The following MAPRE2 variants were observed in gnomAD, a reference collection of about 807,000 sequenced individuals.
The protein encoded by MAPRE2 is microtubule-associated protein RP/EB family member 2.
MAPRE2 carries 13 observed loss-of-function variants against 43.2 expected under a neutral mutation model. That is an observed-to-expected ratio of 0.30 (90% CI 0.20 to 0.48). MAPRE2 has a LOEUF of 0.48. Ranked by LOEUF, MAPRE2 falls within the 20% of genes least tolerant of loss-of-function variation. The pLI is 0.99. For synonymous variants in MAPRE2, 135 were observed against 148.8 expected (o/e 0.91, Z 0.68); for missense variants, 161 against 400.2 (o/e 0.40, Z 5.10).
chr18:35,005,547 G>C, exon 2 of MAPRE2: 1 of 1,541,576 alleles, frequency 6.5e-7, no homozygotes, highest in Non-Finnish European at 8.8e-7. Context: ...AAGCCTGGAT[G>C]CTCAAGGTAA....
intron 4 of MAPRE2, among the ~76,000 whole-genome samples, chr18:35,114,314 A>G (rs1156912411): frequency 6.6e-6 from 1 of 152,204 alleles, no homozygotes; most frequent in African/African-American, 2.4e-5. Flanking sequence ...TAGGCTTGAG[A>G]CAGCAGAACA....
chr18:35,062,664 T>C (rs573800877), intron 1 of MAPRE2, among the ~76,000 whole-genome samples: 1 of 152,338 alleles, frequency 6.6e-6, no homozygotes, highest in South Asian at 2.1e-4. Context: ...TTCTCCCCTG[T>C]TGGCATGTGT....
intron 2 of MAPRE2, among the ~76,000 whole-genome samples, chr18:35,014,879 A>G (rs2097037178): frequency 6.6e-6 from 1 of 152,134 alleles, no homozygotes. Flanking sequence ...TTGTAAATCC[A>G]TGGCATTGCC....
At chr18:35,135,326 C>A (rs148436252) in intron 6 of MAPRE2, among the ~76,000 whole-genome samples, 3 of 152,284 alleles carry the variant, frequency 2.0e-5, no homozygotes, top group African/African-American at 7.2e-5. Context: ...GGGTGCTTTC[C>A]ATATCCTGTG....
At chr18:35,085,209 A>G (rs1313597646) in intron 2 of MAPRE2, among the ~76,000 whole-genome samples, 1 of 152,164 alleles carries the variant, frequency 6.6e-6, no homozygotes, top group Non-Finnish European at 1.5e-5. Flanking sequence ...GAAATATGTA[A>G]CCTTGTATTT....
At chr18:35,011,687 C>T (rs1006377609) in intron 2 of MAPRE2, among the ~76,000 whole-genome samples, 1 of 152,016 alleles carries the variant, frequency 6.6e-6, no homozygotes, top group East Asian at 1.9e-4. Context: ...ATAGTGGTGA[C>T]AGCTGGGGTA....
rs1603405442 is a variant in MAPRE2 at position 35,141,884 on chromosome 18, G to A, written c.*1515G>A. On this transcript the variant is annotated 3_prime_UTR_variant, in exon 7 of 7. Transcript: ENST00000300249. ...AAGCTTTGAAATTTCTTTATTAATC[G>A]ATGAAATATGAATTCTAAATTCTAG... The A allele has an allele frequency of 6.6e-6, 1 of 152,136 alleles. No homozygotes were observed. Among genetic ancestry groups the A allele is most frequent in the Non-Finnish European group, 1.5e-5 (1 of 68,034 alleles). 9.4% of individuals were successfully genotyped at this position (152,136 alleles called of 1,614,324 possible). A position where few individuals can be genotyped will look rare whatever the true frequency, so the allele number is the denominator to read the frequency against.
intron 1 of MAPRE2, among the ~76,000 whole-genome samples, chr18:35,045,845 T>A (rs1248446622): frequency 6.6e-6 from 1 of 152,248 alleles, no homozygotes; most frequent in Admixed American, 6.5e-5. Context: ...GTCCTTACTA[T>A]TTTTCTTAGT....
At chr18:35,106,413 A>G (rs1021199906) in intron 4 of MAPRE2, among the ~76,000 whole-genome samples, 3 of 152,140 alleles carry the variant, frequency 2.0e-5, no homozygotes, top group Non-Finnish European at 2.9e-5. Flanking sequence ...AACATTTTGT[A>G]TGACAGAGGG....
intron 1 of MAPRE2, among the ~76,000 whole-genome samples, chr18:35,053,003 C>CCG (rs1906025467): frequency 2.1e-5 from 2 of 94,980 alleles, no homozygotes; most frequent in Non-Finnish European, 5.0e-5. Flanking sequence ...AATATAAAGT[C>CCG]CCCCCCACAC....
At chr18:34,998,722 G>C (rs1253266015) in intron 1 of MAPRE2, among the ~76,000 whole-genome samples, 3 of 147,118 alleles carry the variant, frequency 2.0e-5, no homozygotes, top group Non-Finnish European at 4.5e-5. Context: ...CTTGGCCTCT[G>C]AAAGTGCTGG....
chr18:35,021,499 G>A (rs116987376), intron 2 of MAPRE2, among the ~76,000 whole-genome samples: 4,872 of 152,188 alleles, frequency 0.032, 129 homozygotes, highest in Non-Finnish European at 0.042. Context: ...AAGTAATTCA[G>A]AGAATAGAAG....
chr18:35,017,091 G>T (rs2097038778), intron 2 of MAPRE2, among the ~76,000 whole-genome samples: 2 of 151,912 alleles, frequency 1.3e-5, no homozygotes, highest in Admixed American at 1.3e-4. Flanking sequence ...TGTCAATTTT[G>T]TTGAAGATCA....
At chr18:35,008,962 G>A (rs2097033095) in intron 2 of MAPRE2, among the ~76,000 whole-genome samples, 1 of 144,892 alleles carries the variant, frequency 6.9e-6, no homozygotes, top group Admixed American at 7.2e-5. Flanking sequence ...GTGTGTGTGT[G>A]TGCATGCACG....
At chr18:35,069,876 A>T (rs1427604286) in intron 1 of MAPRE2, among the ~76,000 whole-genome samples, 2 of 152,172 alleles carry the variant, frequency 1.3e-5, no homozygotes, top group Non-Finnish European at 1.5e-5. Context: ...TACTGCTACA[A>T]ACCTGGTAAC....
At chr18:35,086,963 C>T (rs1321389845) in intron 2 of MAPRE2, among the ~76,000 whole-genome samples, 4 of 151,856 alleles carry the variant, frequency 2.6e-5, no homozygotes, top group Admixed American at 2.6e-4. Context: ...TGAAAATTTC[C>T]ACTTTAAAAA....
intron 2 of MAPRE2, among the ~76,000 whole-genome samples, chr18:35,071,098 T>C (rs1369537512): frequency 6.6e-6 from 1 of 152,208 alleles, no homozygotes; most frequent in Non-Finnish European, 1.5e-5. Flanking sequence ...TTGTTCTTTG[T>C]TGAATGCCTG....
rs570297173 is a variant in MAPRE2, at chr18:35,088,710, T to G, written c.251-8736T>G. 1.3e-5 allele frequency among the ~76,000 whole-genome samples: 2 copies of G among 152,342 alleles called. 1 individual carries two copies. Among genetic ancestry groups the G allele is most frequent in the South Asian group, 4.1e-4 (2 of 4,830 alleles). On this transcript the variant is annotated intron_variant, in intron 2 of 6. Coordinates refer to ENST00000300249, the MANE Select transcript of MAPRE2 (RefSeq NM_014268.4). ...GCAATGATTCCTGAATATTTCAGTT[T>G]GTTGACATCTATTTTTATCTGATTA... is the stretch of plus-strand genomic sequence containing the variant.
chr18:35,047,039 A>T (rs1905664009), intron 1 of MAPRE2, among the ~76,000 whole-genome samples: 1 of 152,176 alleles, frequency 6.6e-6, no homozygotes, highest in South Asian at 2.1e-4. Context: ...GTGGCTGATG[A>T]AACTGCTCAG....
Sources: allele counts gnomAD v4.1 joint callset (sites outside exome capture counted in the v4.1 genomes callset), GRCh38; gene constraint gnomAD v4.1.1; transcripts MANE v1.5; gene names NCBI Gene and HGNC (gene_info 2026-07-23, HGNC 2026-07-21).